Variants in PRKCQ observed in about 807,000 individuals in gnomAD.
PRKCQ encodes protein kinase C theta.
A neutral mutation model predicts 91.2 loss-of-function variants in PRKCQ; 41 were observed. The ratio of observed to expected loss-of-function variants is 0.45; its 90% CI spans 0.35 to 0.58. The LOEUF (loss-of-function observed/expected upper bound fraction) is 0.58, where lower values mean the gene tolerates loss of function less well. PRKCQ is among the 20% of genes least tolerant of loss of function. The pLI is 0.00. For synonymous variants in PRKCQ, 307 were observed against 316.9 expected, an observed-to-expected ratio of 0.97 and a Z score of 0.33; for missense variants, 673 against 896.5, an observed-to-expected ratio of 0.75 and a Z score of 3.18.
At chr10:6,540,560 A>C (rs1736264799) in intron 1 of PRKCQ, among the ~76,000 whole-genome samples, 1 of 152,188 alleles carries the variant, frequency 6.6e-6, no homozygotes, top group South Asian at 2.1e-4. Context: ...AGCAGGTGTC[A>C]GAAAGTTTCA....
chr10:6,515,545 G>C, intron 1 of PRKCQ: 2 of 976,270 alleles, frequency 2.0e-6, no homozygotes, highest in Non-Finnish European at 2.4e-6. Flanking sequence ...TATATAGAGC[G>C]AGTCTATTTT....
At chr10:6,579,444 G>A (rs1841367151) in intron 1 of PRKCQ, among the ~76,000 whole-genome samples, 1 of 152,066 alleles carries the variant, frequency 6.6e-6, no homozygotes, top group Admixed American at 6.5e-5. Context: ...TCCCAATCCA[G>A]CCAGCCCGTG....
At chr10:6,549,810 T>C (rs901929658) in intron 1 of PRKCQ, among the ~76,000 whole-genome samples, 2 of 151,946 alleles carry the variant, frequency 1.3e-5, no homozygotes, top group African/African-American at 4.8e-5. Flanking sequence ...TTTGTATTTT[T>C]AGTAGAGACA....
At chr10:6,510,969 T>A (rs769791469) in intron 3 of PRKCQ, 26 bp downstream of exon 3, 2 of 1,611,620 alleles carry the variant, frequency 1.2e-6, no homozygotes, top group Non-Finnish European at 8.5e-7. Flanking sequence ...TTATCCCTTA[T>A]GTGCATACAC....
At chr10:6,569,523 G>C (rs1326937724) in intron 1 of PRKCQ, among the ~76,000 whole-genome samples, 1 of 152,162 alleles carries the variant, frequency 6.6e-6, no homozygotes, top group Admixed American at 6.5e-5. Context: ...GAGAACTTAA[G>C]AGCAGGGAGT....
the PRKCQ span, among the ~76,000 whole-genome samples, chr10:6,414,473 G>T: frequency 1.3e-5 from 2 of 151,872 alleles, no homozygotes; most frequent in South Asian, 2.1e-4. Flanking sequence ...AGGAGGGGAC[G>T]AATCAACAAA....
At chr10:6,411,919 A>G in the PRKCQ span, among the ~76,000 whole-genome samples, 1 of 152,232 alleles carries the variant, frequency 6.6e-6, no homozygotes, top group Non-Finnish European at 1.5e-5. Flanking sequence ...TACTATGGTC[A>G]CACACACTTC....
intron 8 of PRKCQ, chr10:6,489,451 T>G (rs893180562): frequency 1.9e-6 from 1 of 532,080 alleles, no homozygotes; most frequent in Non-Finnish European, 3.9e-6. Flanking sequence ...TGGATGACTA[T>G]TTTCTTGGGA....
chr10:6,419,700 T>C, the PRKCQ span, among the ~76,000 whole-genome samples: 16,735 of 149,192 alleles, frequency 0.11, 2,600 homozygotes, highest in African/African-American at 0.35. Flanking sequence ...TTTTTTTTTT[T>C]TTTTTTGAGA....
At chr10:6,439,136 G>A (rs562172766) in intron 16 of PRKCQ, among the ~76,000 whole-genome samples, 2 of 152,292 alleles carry the variant, frequency 1.3e-5, no homozygotes, top group African/African-American at 2.4e-5. Context: ...GCTCTCAGGT[G>A]TTCCTCTGTC....
intron 15 of PRKCQ, among the ~76,000 whole-genome samples, chr10:6,446,717 C>T (rs1834328045): frequency 6.6e-6 from 1 of 152,162 alleles, no homozygotes; most frequent in Non-Finnish European, 1.5e-5. Flanking sequence ...CAAGGGTGGC[C>T]CCTTTCTCTC....
intron 3 of PRKCQ, among the ~76,000 whole-genome samples, chr10:6,509,741 T>C (rs1416976027): frequency 6.6e-6 from 1 of 152,150 alleles, no homozygotes; most frequent in Admixed American, 6.5e-5. Context: ...AACACACAAG[T>C]GCTGAGTAGA....
chr10:6,462,826 G>A (rs1446547785), intron 13 of PRKCQ, among the ~76,000 whole-genome samples: 1 of 152,058 alleles, frequency 6.6e-6, no homozygotes, highest in African/African-American at 2.4e-5. Context: ...GCAACATGGT[G>A]AAACACCATC....
the PRKCQ span, among the ~76,000 whole-genome samples, chr10:6,406,083 G>A: frequency 6.6e-6 from 1 of 152,204 alleles, no homozygotes; most frequent in Admixed American, 6.5e-5. Flanking sequence ...CCAACATGGA[G>A]AAAGAGCATT....
intron 1 of PRKCQ, among the ~76,000 whole-genome samples, chr10:6,528,537 T>A (rs995737953): frequency 3.3e-5 from 5 of 152,270 alleles, no homozygotes; most frequent in Middle Eastern, 6.8e-3. Flanking sequence ...TGGCCTTTGT[T>A]ATAACTGGTG....
intron 4 of PRKCQ, 63 bp from the exon 5 acceptor site, chr10:6,498,621 G>T: frequency 1.3e-6 from 2 of 1,532,178 alleles, no homozygotes; most frequent in East Asian, 2.4e-5. Flanking sequence ...ATTCTAAGCT[G>T]GGTCAGGAGG....
intron 15 of PRKCQ, among the ~76,000 whole-genome samples, chr10:6,450,408 A>G (rs201598219): frequency 0.38 from 57,173 of 151,714 alleles, 11,050 homozygotes; most frequent in East Asian, 0.5. Context: ...CATCCAATAC[A>G]GGAGCACCCA....
chr10:6,428,483 C>T (rs1037896601), intron 17 of PRKCQ, 121 bp from the exon 18 acceptor site: 4 of 1,094,066 alleles, frequency 3.7e-6, no homozygotes, highest in South Asian at 1.5e-5. Context: ...TGCAGAGACA[C>T]TAAATGGAGG....
In PRKCQ at chr10:6,465,731, TCAC is replaced by T. The variant is rs1835617538; in HGVS notation, c.1354-1330_1354-1328del. Among the ~76,000 whole-genome samples the T allele has an allele frequency of 6.6e-6, 1 of 152,246 alleles. No homozygotes were observed. Among genetic ancestry groups the T allele is most frequent in the South Asian group, 2.1e-4 (1 of 4,838 alleles). ...TCTGACAGTGAGACTCCTTGCCTGGTCACCACAGAATGGGGAAACCAAGTATTG... is the reference window on the plus strand; with the variant it reads ...TCTGACAGTGAGACTCCTTGCCTGGTCACAGAATGGGGAAACCAAGTATTG... On this transcript the variant is annotated intron_variant, in intron 12 of 17. Coordinates refer to ENST00000263125, the MANE Select transcript of PRKCQ (RefSeq NM_006257.5). This position sits in a 1 kb window ranked among gnomAD's most constrained non-coding sequence, Gnocchi z 4.4.
Sources: allele counts gnomAD v4.1 joint callset (sites outside exome capture counted in the v4.1 genomes callset), GRCh38; gene constraint gnomAD v4.1.1; non-coding constraint Gnocchi (gnomAD v3.1); transcripts MANE v1.5; gene names NCBI Gene and HGNC (gene_info 2026-07-23, HGNC 2026-07-21).